Variants in SCN9A observed in about 807,000 individuals in gnomAD.
SCN9A encodes the protein sodium voltage-gated channel alpha subunit 9, also known as sodium channel protein type 9 subunit alpha.
SCN9A carries 131 observed loss-of-function variants against 187.0 expected under a neutral mutation model. The ratio of observed to expected loss-of-function variants is 0.70; its 90% CI spans 0.61 to 0.81. The LOEUF is 0.81. SCN9A is among the 30% of genes least tolerant of loss of function. SCN9A has a pLI of 0.00. For synonymous variants in SCN9A, 809 were observed against 808.6 expected, an observed-to-expected ratio of 1.00 and a Z score of -0.01; for missense variants, 2,252 against 2,396.6, an observed-to-expected ratio of 0.94 and a Z score of 1.26.
chr2:166,308,648 C>T (rs1198563577), intron 2 of SCN9A, among the ~76,000 whole-genome samples: 4 of 152,074 alleles, frequency 2.6e-5, no homozygotes, highest in Non-Finnish European at 2.9e-5. Flanking sequence ...TACGGCCGGG[C>T]GTGGTGGCTC....
At chr2:166,210,490 A>AAATT (rs1293329642) in intron 24 of SCN9A, among the ~76,000 whole-genome samples, 4 of 148,240 alleles carry the variant, frequency 2.7e-5, no homozygotes, top group Admixed American at 2.7e-4. Flanking sequence ...ATAAAAAATA[A>AAATT]AATTAAAAAA....
At chr2:166,319,085 A>G (rs1323519564) in intron 1 of SCN9A, among the ~76,000 whole-genome samples, 5 of 152,110 alleles carry the variant, frequency 3.3e-5, no homozygotes, top group African/African-American at 1.2e-4. Context: ...TAGAAACAAG[A>G]TTTTATAATC....
chr2:166,340,592 TTC>T (rs1491463773), intron 1 of SCN9A, among the ~76,000 whole-genome samples: 26 of 87,288 alleles, frequency 3.0e-4, no homozygotes, highest in African/African-American at 1.7e-3. Flanking sequence ...CTTTCTTTCT[TTC>T]TTTCTTTCTT....
intron 26 of SCN9A, among the ~76,000 whole-genome samples, chr2:166,200,824 C>T (rs746627076): frequency 2.0e-4 from 30 of 152,034 alleles, no homozygotes; most frequent in Non-Finnish European, 4.0e-4. Context: ...TTGGTAGGGA[C>T]GGTTTTCACC....
rs1553478572 is a variant in SCN9A at position 166,226,578 on chromosome 2, G to A, written c.4387C>T (p.Gln1463Ter). ...TTTGAAATACTTATCTTCTTTTTCT[G>A]TTGGTTGAAATTATCTATGATGACA... ...IGVIIDNFNQ[Q>*]KKKLGGQDIF... Residue 1463 changes from glutamine to a stop codon, truncating the protein, a stop_gained, in exon 24 of 27, where the codon CAG (glutamine) becomes TAG (stop). Transcript: ENST00000642356. LOFTEE classifies it high-confidence loss of function. 6.5e-7 allele frequency: 1 copy of A among 1,544,068 alleles called. No homozygotes were observed. Among genetic ancestry groups the A allele is most frequent in the Non-Finnish European group, 8.8e-7 (1 of 1,140,066 alleles).
intron 1 of SCN9A, among the ~76,000 whole-genome samples, chr2:166,358,996 A>G (rs1029317428): frequency 4.6e-5 from 7 of 152,196 alleles, no homozygotes; most frequent in African/African-American, 1.7e-4. Flanking sequence ...AGGTGTCCCA[A>G]TGATAACTAT....
intron 10 of SCN9A, 33 bp downstream of exon 10, chr2:166,288,404 C>T (rs201435419): frequency 1.3e-6 from 2 of 1,560,968 alleles, no homozygotes; most frequent in Non-Finnish European, 1.8e-6. Context: ...GCATTTCTAC[C>T]TCTAGGAAGA....
rs746381295 is a variant in SCN9A at position 166,311,626 on chromosome 2, T to A, written c.131A>T (p.Glu44Val). The change falls in exon 2 of 27, where the codon GAA becomes GTA. Residue 44 changes from glutamate to valine, a missense_variant. Physicochemically the swap from Glu to Val is moderately radical, Grantham distance 121. Transcript: ENST00000642356. Reference sequence around the variant, plus strand: ...GTCACTGCTTGGCTTTGGGGCTTCTTCATCATCATCTTTCTTTTCTTCTTT... The same window carrying A: ...GTCACTGCTTGGCTTTGGGGCTTCTACATCATCATCTTTCTTTTCTTCTTT... ...EPKEEKKDDD[E>V]EAPKPSSDLE... The A allele has an allele frequency of 6.2e-7, 1 of 1,613,318 alleles. No homozygotes were observed. Among genetic ancestry groups the A allele is most frequent in the Non-Finnish European group, 8.5e-7 (1 of 1,179,722 alleles).
intron 18 of SCN9A, among the ~76,000 whole-genome samples, 198 bp from the exon 19 acceptor site, chr2:166,242,854 T>C (rs1011925499): frequency 4.6e-5 from 7 of 152,162 alleles, no homozygotes; most frequent in African/African-American, 9.6e-5. Flanking sequence ...TTCTAAATAG[T>C]TGTTAGTTAG....
rs80095598 is a variant in SCN9A, at chr2:166,309,378, G to GA, written c.258+2120dup. On this transcript the variant is annotated intron_variant, in intron 2 of 26. Coordinates refer to ENST00000642356, the MANE Select transcript of SCN9A (RefSeq NM_001365536.1). ...ACACATGAGAGTTAATTATTAGCAG[G>GA]AAAAAATAGGTATGATTATAAAATT... Among the ~76,000 whole-genome samples, 545 of 152,092 alleles carry GA rather than the reference G, an allele frequency of 3.6e-3. 12 individuals carry two copies. In the East Asian group the frequency reaches 0.066, roughly 18 times the overall value.
At chr2:166,258,497 G>A (rs892186132) in intron 17 of SCN9A, among the ~76,000 whole-genome samples, 4 of 151,372 alleles carry the variant, frequency 2.6e-5, no homozygotes, top group African/African-American at 7.3e-5. Flanking sequence ...TTTAACTGAT[G>A]CATTTTATAT....
chr2:166,232,147 T>G (rs931103920), intron 21 of SCN9A, among the ~76,000 whole-genome samples: 1 of 151,974 alleles, frequency 6.6e-6, no homozygotes, highest in East Asian at 1.9e-4. Context: ...GAGAAGAAAT[T>G]TTAGAGGAGT....
At chr2:166,299,247 T>C (rs1014626049) in intron 7 of SCN9A, among the ~76,000 whole-genome samples, 1 of 151,312 alleles carries the variant, frequency 6.6e-6, no homozygotes, top group African/African-American at 2.5e-5. Flanking sequence ...TTATTCTGCT[T>C]CCCTTTATAG....
At chr2:166,364,206 T>C (rs1261300052) in intron 1 of SCN9A, among the ~76,000 whole-genome samples, 1 of 150,544 alleles carries the variant, frequency 6.6e-6, no homozygotes. Flanking sequence ...TGTGGAGAAA[T>C]TGTAACCCTT....
chr2:166,222,268 C>T (rs1694619956), intron 24 of SCN9A, among the ~76,000 whole-genome samples: 1 of 152,172 alleles, frequency 6.6e-6, no homozygotes, highest in South Asian at 2.1e-4. Flanking sequence ...CTTAAGAAGG[C>T]ATGCAAATGA....
chr2:166,246,527 C>A (rs1695796325), intron 18 of SCN9A, among the ~76,000 whole-genome samples: 1 of 151,770 alleles, frequency 6.6e-6, no homozygotes, highest in Non-Finnish European at 1.5e-5. Flanking sequence ...CTAAGTTAAT[C>A]TTTTTCAGGG....
At chr2:166,360,756 A>T (rs1343987851) in intron 1 of SCN9A, among the ~76,000 whole-genome samples, 1 of 152,240 alleles carries the variant, frequency 6.6e-6, no homozygotes, top group Non-Finnish European at 1.5e-5. Flanking sequence ...TGCCTACCAC[A>T]GTGCCTAGGC....
At chr2:166,280,229 C>T (rs1296453096) in intron 14 of SCN9A, 128 bp downstream of exon 14, 1 of 619,958 alleles carries the variant, frequency 1.6e-6, no homozygotes, top group African/African-American at 1.9e-5. Context: ...CACATCCATT[C>T]ATATGGAAAG....
chr2:166,275,018 C>G lies in SCN9A; in HGVS notation c.2874+1965G>C, dbSNP rs1043742904. On this transcript the variant is annotated intron_variant, in intron 16 of 26. Transcript: ENST00000642356. The stretch of plus-strand genomic sequence containing the variant: ...AAGCATCTTAAAAACAAGGATTAGA[C>G]CATGGGTAATTGGTTTTGGTCTTCC... Among the ~76,000 whole-genome samples, 3 of 152,202 alleles carry G rather than the reference C, an allele frequency of 2.0e-5. No individual in the cohort carries two copies. The South Asian group carries it at 6.2e-4, about 32-fold the overall frequency.
Sources: allele counts gnomAD v4.1 joint callset (sites outside exome capture counted in the v4.1 genomes callset), GRCh38; gene constraint gnomAD v4.1.1; transcripts MANE v1.5; gene names NCBI Gene and HGNC (gene_info 2026-07-23, HGNC 2026-07-21).